Variants in TCTN2 observed in about 807,000 individuals in gnomAD.
TCTN2 encodes tectonic-2.
A neutral mutation model predicts 83.4 loss-of-function variants in TCTN2; 66 were observed. The ratio of observed to expected loss-of-function variants is 0.79; its 90% CI spans 0.65 to 0.97. The LOEUF is 0.97. TCTN2 is among the 50% of genes least tolerant of loss of function. TCTN2 has a pLI of 0.00. For synonymous variants in TCTN2, 301 were observed against 326.7 expected (o/e 0.92, Z 0.85); for missense variants, 794 against 858.1 (o/e 0.93, Z 0.93).
rs1201177468 is a variant in TCTN2, at chr12:123,696,921, G to C, written c.1394-166G>C. On this transcript the variant is annotated intron_variant, in intron 12 of 17. Transcript: ENST00000303372. ...TCAGGATCTGAGAAGTCTGATAAAGGCACCTTTGTTCAGCTTTGAAAGGAT... is the reference window on the plus strand; with the variant it reads ...TCAGGATCTGAGAAGTCTGATAAAGCCACCTTTGTTCAGCTTTGAAAGGAT... 4.8e-6 allele frequency: 3 copies of C among 627,568 alleles called. No individual in the cohort carries two copies. In the African/African-American group the frequency reaches 5.5e-5, roughly 12 times the overall value. The allele number at this position is 627,568 out of a possible 1,614,324, so 38.9% of individuals were successfully genotyped here.
intron 9 of TCTN2, among the ~76,000 whole-genome samples, chr12:123,694,246 G>C (rs1188868140): frequency 6.6e-6 from 1 of 152,112 alleles, no homozygotes; most frequent in Admixed American, 6.6e-5. Context: ...GCCTGCCTCA[G>C]CCTCCCAAAG....
At chr12:123,690,429 C>A in intron 7 of TCTN2, 104 bp from the exon 8 acceptor site, 1 of 1,514,164 alleles carries the variant, frequency 6.6e-7, no homozygotes, top group Non-Finnish European at 9.1e-7. Flanking sequence ...ACCAGACCAG[C>A]AATGGGAGCA....
intron 8 of TCTN2, 130 bp from the exon 9 acceptor site, chr12:123,692,528 G>A (rs1956055740): frequency 1.4e-6 from 1 of 732,368 alleles, no homozygotes; most frequent in Non-Finnish European, 2.5e-6. Context: ...GGGGAGTGGG[G>A]AGGGTTTTGT....
chr12:123,679,915 A>AT (rs1441404417), intron 5 of TCTN2, among the ~76,000 whole-genome samples: 7 of 150,036 alleles, frequency 4.7e-5, no homozygotes, highest in Non-Finnish European at 7.4e-5. Context: ...AATTTTTTGT[A>AT]TTTTTAGTAG....
At position 123,671,130 on chromosome 12, in the gene TCTN2, C is replaced by A; in HGVS notation, c.-111C>A. ...TGGTTGCCATAGCTCCGGGCGTTCG[C>A]TTGCAAGATGGCGGCGGCGGGGCAG... On this transcript the variant is annotated 5_prime_UTR_variant, in exon 1 of 18. Coordinates refer to ENST00000303372, the MANE Select transcript of TCTN2 (RefSeq NM_024809.5). The A allele has an allele frequency of 9.1e-7, 1 of 1,103,188 alleles. No homozygotes were observed. The highest frequency in any genetic ancestry group is 1.3e-6 in the Non-Finnish European group (1 of 750,238). 68.3% of individuals were successfully genotyped at this position (1,103,188 alleles called of 1,614,324 possible).
At position 123,694,849 on chromosome 12, in the gene TCTN2, T is replaced by A. The variant is rs1337236214; in HGVS notation, c.1107T>A (p.Pro369=). ...ATATTCTTGTATTTGCAGAAACTCCTTTAAATAACGGATCAACCCCTAGAA... is the reference window on the plus strand; with the variant it reads ...ATATTCTTGTATTTGCAGAAACTCCATTAAATAACGGATCAACCCCTAGAA... ...LDKFITNTET[P]LNNGSTPRIV... is the part of the protein sequence containing the mutation. The change falls in exon 10 of 18, where the codon CCT becomes CCA. Residue 369 remains proline, a synonymous_variant. Coordinates refer to ENST00000303372, the MANE Select transcript of TCTN2 (RefSeq NM_024809.5). 4.3e-6 allele frequency: 7 copies of A among 1,612,118 alleles called. No homozygotes were observed. Among genetic ancestry groups the A allele is most frequent in the Non-Finnish European group, 5.9e-6 (7 of 1,178,632 alleles).
rs181244080 is a variant in TCTN2 at position 123,707,951 on chromosome 12, G to T, written c.*238G>T. On this transcript the variant is annotated 3_prime_UTR_variant, in exon 18 of 18. Transcript: ENST00000303372. ...TCTCGAACTCCTGACCTCATGATCC[G>T]CCCATCTTGGCCTCCCAAAGTGCTG... 3 of 481,020 alleles carry T rather than the reference G, an allele frequency of 6.2e-6. No individual in the cohort carries two copies. Among genetic ancestry groups the T allele is most frequent in the Non-Finnish European group, 7.6e-6 (2 of 264,894 alleles). 29.8% of individuals were successfully genotyped at this position (481,020 alleles called of 1,614,324 possible).
At chr12:123,696,699 C>G in intron 12 of TCTN2, 1 of 606,778 alleles carries the variant, frequency 1.6e-6, no homozygotes, top group African/African-American at 1.8e-5. Flanking sequence ...TTGTTTGCAC[C>G]TGAAGTGCTG....
At chr12:123,689,206 C>T (rs944398481) in intron 7 of TCTN2, among the ~76,000 whole-genome samples, 16 of 152,162 alleles carry the variant, frequency 1.1e-4, no homozygotes, top group Admixed American at 5.9e-4. Flanking sequence ...AGACTACAGG[C>T]ACATGCCACC....
intron 14 of TCTN2, among the ~76,000 whole-genome samples, chr12:123,700,891 T>C (rs1956165254): frequency 6.6e-6 from 1 of 152,110 alleles, no homozygotes; most frequent in Admixed American, 6.6e-5. Flanking sequence ...GAGGCTACAG[T>C]GAGCTCTGAT....
At chr12:123,693,782 G>A (rs12821242) in intron 9 of TCTN2, among the ~76,000 whole-genome samples, 54,326 of 150,564 alleles carry the variant, frequency 0.36, 10,225 homozygotes, top group African/African-American at 0.41. Flanking sequence ...CAGAACTTTA[G>A]TTTTTAATGA....
intron 15 of TCTN2, 135 bp downstream of exon 15, chr12:123,704,823 G>A: frequency 3.3e-6 from 3 of 919,444 alleles, no homozygotes; most frequent in South Asian, 2.8e-5. Flanking sequence ...ATGTTTATAT[G>A]CACATATGGA....
At chr12:123,703,690 A>G (rs1040044586) in intron 14 of TCTN2, among the ~76,000 whole-genome samples, 4 of 151,952 alleles carry the variant, frequency 2.6e-5, no homozygotes, top group African/African-American at 4.8e-5. Context: ...GGGTTTTGCT[A>G]TGTTGCCCAG....
chr12:123,673,517 A>G, intron 3 of TCTN2, 98 bp from the exon 4 acceptor site: 1 of 1,193,016 alleles, frequency 8.4e-7, no homozygotes, highest in South Asian at 1.2e-5. Context: ...TATAAAATGA[A>G]CGGAGGCTGA....
At chr12:123,685,838 C>A (rs1006622636) in intron 5 of TCTN2, among the ~76,000 whole-genome samples, 1 of 150,290 alleles carries the variant, frequency 6.7e-6, no homozygotes, top group African/African-American at 2.4e-5. Flanking sequence ...CAGTCCTTTC[C>A]TCAACCTCCT....
intron 3 of TCTN2, among the ~76,000 whole-genome samples, chr12:123,672,562 C>T (rs1400257412): frequency 1.3e-5 from 2 of 151,334 alleles, no homozygotes; most frequent in East Asian, 3.9e-4. Context: ...AGCGAGACCT[C>T]GTCTCTACAA....
At chr12:123,674,024 A>C (rs991268491) in intron 4 of TCTN2, among the ~76,000 whole-genome samples, 3 of 152,168 alleles carry the variant, frequency 2.0e-5, no homozygotes, top group African/African-American at 7.2e-5. Flanking sequence ...AAAAACAAAA[A>C]AAGAAAAATT....
In TCTN2 at chr12:123,671,940, C is replaced by T. The variant is rs12817757; in HGVS notation, c.191-116C>T. 0.35 allele frequency: 312,307 copies of T among 893,570 alleles called. 57,967 individuals carry two copies. Among genetic ancestry groups the T allele is most frequent in the African/African-American group, 0.41 (24,969 of 60,870 alleles). The allele number at this position is 893,570 out of a possible 1,614,324, so 55.4% of individuals were successfully genotyped here. A position where few individuals can be genotyped will look rare whatever the true frequency, so the allele number is the denominator to read the frequency against. ...TTGTCACTGTCCCAGTGTCAAGCAGCTTGTAAAGGGCCCAATCTTAGGCTG... is the reference window on the plus strand; with the variant it reads ...TTGTCACTGTCCCAGTGTCAAGCAGTTTGTAAAGGGCCCAATCTTAGGCTG... On this transcript the variant is annotated intron_variant, in intron 2 of 17. Transcript: ENST00000303372.
chr12:123,674,271 T>A (rs1418177282), intron 4 of TCTN2, among the ~76,000 whole-genome samples: 3 of 152,150 alleles, frequency 2.0e-5, no homozygotes, highest in African/African-American at 7.2e-5. Flanking sequence ...TGTACATTGA[T>A]TCTCTCTCTT....
Sources: allele counts gnomAD v4.1 joint callset (sites outside exome capture counted in the v4.1 genomes callset), GRCh38; gene constraint gnomAD v4.1.1; transcripts MANE v1.5; gene names NCBI Gene and HGNC (gene_info 2026-07-23, HGNC 2026-07-21).